The following GFM1 variants were observed in gnomAD, a reference collection of about 807,000 sequenced individuals.
The protein encoded by GFM1 is G elongation factor mitochondrial 1.
In GFM1, 62 loss-of-function variants were observed where a neutral mutation model predicts 96.2. The ratio of observed to expected loss-of-function variants is 0.64; its 90% CI spans 0.53 to 0.80. The LOEUF is 0.80. GFM1 is among the 30% of genes least tolerant of loss of function. The pLI is 0.00. For synonymous variants in GFM1, 282 were observed against 312.9 expected (o/e 0.90, Z 1.04); for missense variants, 852 against 916.6 (o/e 0.93, Z 0.91).
intron 13 of GFM1, among the ~76,000 whole-genome samples, chr3:158,675,774 G>A (rs1389344682): frequency 6.6e-6 from 1 of 152,100 alleles, no homozygotes; most frequent in Non-Finnish European, 1.5e-5. Context: ...CTTACATAAT[G>A]TTCAATTAGT....
intron 13 of GFM1, among the ~76,000 whole-genome samples, chr3:158,674,437 C>T (rs17630785): frequency 0.15 from 23,176 of 151,916 alleles, 1,868 homozygotes; most frequent in South Asian, 0.22. Context: ...GAATATCAGC[C>T]AATTTTCGAT....
chr3:158,657,378 C>T (rs1172086036), intron 8 of GFM1: 2 of 152,088 alleles, frequency 1.3e-5, no homozygotes, highest in East Asian at 3.8e-4. Flanking sequence ...AGATTGCGTT[C>T]ATACTCTCCA....
intron 1 of GFM1, chr3:158,644,938 C>T (rs1185040117): frequency 6.1e-6 from 3 of 489,228 alleles, no homozygotes; most frequent in Non-Finnish European, 1.1e-5. Flanking sequence ...CTAAAAGTGT[C>T]TGTCACTCAG....
In GFM1 at chr3:158,694,543, G is replaced by C. The variant is rs1350730064; in HGVS notation, c.*3076G>C. Among the ~76,000 whole-genome samples, 1 of 152,054 alleles carries C rather than the reference G, an allele frequency of 6.6e-6. No individual in the cohort carries two copies. The highest frequency in any genetic ancestry group is 1.5e-5 in the Non-Finnish European group (1 of 67,994). On this transcript the variant is annotated 3_prime_UTR_variant, in exon 18 of 18. Coordinates refer to ENST00000486715, the MANE Select transcript of GFM1 (RefSeq NM_024996.7). ...AACAAACCCCCAGGACACAAGTTTA[G>C]CTATGTAACAAGCCTGCACATCAAC...
At chr3:158,687,678 AG>A (rs1328767739) in intron 15 of GFM1, among the ~76,000 whole-genome samples, 1 of 151,948 alleles carries the variant, frequency 6.6e-6, no homozygotes, top group Non-Finnish European at 1.5e-5. Flanking sequence ...ATGTTGGCCA[AG>A]CTGGTCTTGA....
intron 15 of GFM1, among the ~76,000 whole-genome samples, chr3:158,686,945 G>T (rs1725913338): frequency 6.6e-6 from 1 of 151,600 alleles, no homozygotes; most frequent in East Asian, 2.0e-4. Context: ...GTTGACCAGG[G>T]TGGTCTTGAA....
intron 15 of GFM1, among the ~76,000 whole-genome samples, chr3:158,686,957 T>C (rs1444588089): frequency 3.3e-5 from 5 of 151,954 alleles, no homozygotes; most frequent in Admixed American, 2.6e-4. Context: ...GGTCTTGAAC[T>C]CCCGACATCA....
Position 158,674,591 on chromosome 3 carries a change from C to T in GFM1, c.1602-7404C>T, listed in dbSNP as rs543373004. On this transcript the variant is annotated intron_variant, in intron 13 of 17. Coordinates refer to ENST00000486715, the MANE Select transcript of GFM1 (RefSeq NM_024996.7). ...ACCAGAAATAAAAAAATAAGACTTT[C>T]GGAGAACAGTATTTGTCTTATTTGT... Among the ~76,000 whole-genome samples the T allele has an allele frequency of 2.0e-3, 304 of 152,222 alleles. 1 individual carries two copies. Among genetic ancestry groups the T allele is most frequent in the Middle Eastern group, 3.4e-3 (1 of 294 alleles).
At chr3:158,648,928 AC>A in intron 4 of GFM1, 112 bp from the exon 5 acceptor site, 1 of 714,996 alleles carries the variant, frequency 1.4e-6, no homozygotes, top group Non-Finnish European at 2.6e-6. Flanking sequence ...TGATGGTAAC[AC>A]CCTTCTCAGT....
In GFM1 at chr3:158,653,491, A is replaced by G. The variant is rs1424591373; in HGVS notation, c.998+24A>G. On this transcript the variant is annotated intron_variant, in intron 7 of 17. Transcript: ENST00000486715. ...GAGTAAGTCTTGAAAATTGAATCTT[A>G]GTTTATGCAGAAATACTTTCGTATT... is the stretch of plus-strand genomic sequence containing the variant. The G allele has an allele frequency of 1.9e-6, 3 of 1,563,050 alleles. No homozygotes were observed. The South Asian group carries it at 3.3e-5, about 17-fold the overall frequency.
At chr3:158,684,849 G>A in intron 15 of GFM1, 181 bp downstream of exon 15, 1 of 616,966 alleles carries the variant, frequency 1.6e-6, no homozygotes, top group Non-Finnish European at 2.8e-6. Flanking sequence ...TCTCTTTCTT[G>A]CAAAGCTAAA....
In GFM1 at chr3:158,694,325, T is replaced by C. The variant is rs549967730; in HGVS notation, c.*2858T>C. On this transcript the variant is annotated 3_prime_UTR_variant, in exon 18 of 18. Transcript: ENST00000486715. ...AGCCATTATCCTCATCAAACTAACA[T>C]AGGAAAAGAAAACCAAATACTGCAT... Among the ~76,000 whole-genome samples the C allele has an allele frequency of 2.0e-5, 3 of 152,070 alleles. No individual in the cohort carries two copies. In the East Asian group the frequency reaches 5.8e-4, roughly 29 times the overall value.
At position 158,658,141 on chromosome 3, in the gene GFM1, A is replaced by G. The variant is rs186442362; in HGVS notation, c.1084-781A>G. ...TAATTGGTCACTGCTAGTATATTCA[A>G]TCACTTCACAGAACTCTTTTTTTTT... On this transcript the variant is annotated intron_variant, in intron 8 of 17. Transcript: ENST00000486715. 2.4e-3 allele frequency among the ~76,000 whole-genome samples: 349 copies of G among 146,076 alleles called. 1 individual carries two copies. The highest frequency in any genetic ancestry group is 8.5e-3 in the African/African-American group (338 of 39,670).
intron 16 of GFM1, chr3:158,690,647 C>A (rs987441725): frequency 1.1e-5 from 4 of 349,498 alleles, no homozygotes; most frequent in Middle Eastern, 9.0e-4. Flanking sequence ...GCTTTATTTG[C>A]ATAATTACTT....
intron 12 of GFM1, 114 bp from the exon 13 acceptor site, chr3:158,666,190 A>G (rs1223210674): frequency 2.7e-6 from 2 of 748,130 alleles, no homozygotes; most frequent in Admixed American, 4.4e-5. Context: ...ATGATTTAAG[A>G]TTTGTTTATC....
rs757691557 is a variant in GFM1, at chr3:158,662,628, G to A, written c.1324G>A (p.Glu442Lys). The part of the protein sequence containing the change: ...TDKANSGLSM[E>K]SIHVPDPVIS... ...TGTTTTCTTTTAAAAAATATTTTAG[G>A]AGTCAATTCATGTTCCTGATCCTGT... The change falls in exon 11 of 18, where the codon GAG becomes AAG. Residue 442 changes from glutamate to lysine, a missense_variant and splice_region_variant. Glu to Lys is a moderately conservative substitution (Grantham distance 56). Coordinates refer to ENST00000486715, the MANE Select transcript of GFM1 (RefSeq NM_024996.7). 6.3e-7 allele frequency: 1 copy of A among 1,576,698 alleles called. No individual in the cohort carries two copies. Among genetic ancestry groups the A allele is most frequent in the African/African-American group, 1.3e-5 (1 of 74,176 alleles).
intron 4 of GFM1, among the ~76,000 whole-genome samples, chr3:158,647,417 G>A (rs547487378): frequency 1.3e-5 from 2 of 152,144 alleles, no homozygotes; most frequent in African/African-American, 2.4e-5. Flanking sequence ...CTTCCTTTCT[G>A]TACCAGATAG....
At chr3:158,677,662 G>C (rs28838673) in intron 13 of GFM1, among the ~76,000 whole-genome samples, 2 of 152,100 alleles carry the variant, frequency 1.3e-5, no homozygotes, top group African/African-American at 4.8e-5. Context: ...CTGCCACCAT[G>C]CCCGACTAAG....
rs144693840 is a variant in GFM1 at position 158,655,275 on chromosome 3, G to T, written c.1083+644G>T. On this transcript the variant is annotated intron_variant, in intron 8 of 17. Transcript: ENST00000486715. ...CCAAGGCGGGCGGATCACAAGGTCA[G>T]GAGTTCGAGACCAGCCTAGCCAACA... is the stretch of plus-strand genomic sequence containing the variant. Among the ~76,000 whole-genome samples the T allele has an allele frequency of 8.0e-3, 1,223 of 152,200 alleles. 10 individuals carry two copies. The highest frequency in any genetic ancestry group is 0.028 in the African/African-American group (1,166 of 41,524).
Sources: gnomAD v4.1 joint callset for allele counts (sites outside exome capture counted in the v4.1 genomes callset) on GRCh38, gnomAD v4.1.1 for gene constraint, MANE v1.5 for transcripts, NCBI Gene and HGNC (gene_info 2026-07-23, HGNC 2026-07-21) for gene names.